USP47: variants seen among roughly 807,000 people sequenced by gnomAD.
USP47 encodes the protein ubiquitin specific peptidase 47.
USP47 carries 35 observed loss-of-function variants against 165.1 expected under a neutral mutation model. The observed-to-expected ratio is 0.21, with a 90% CI of 0.16 to 0.28. The LOEUF (loss-of-function observed/expected upper bound fraction) is 0.28. Ranked by LOEUF, USP47 falls within the 10% of genes least tolerant of loss-of-function variation. USP47 has a pLI of 1.00. For missense variants in USP47, 1,277 were observed against 1,607.4 expected (o/e 0.79, Z 3.52); for synonymous variants, 531 against 544.5 (o/e 0.98, Z 0.35).
At chr11:11,897,396 A>G (rs562366679) in intron 4 of USP47, among the ~76,000 whole-genome samples, 6 of 152,120 alleles carry the variant, frequency 3.9e-5, no homozygotes, top group African/African-American at 1.4e-4. Flanking sequence ...GTATCCTGAC[A>G]TTTTCTACAA....
At chr11:11,850,837 T>G (rs1177454769) in intron 1 of USP47, among the ~76,000 whole-genome samples, 1 of 152,188 alleles carries the variant, frequency 6.6e-6, no homozygotes, top group South Asian at 2.1e-4. Flanking sequence ...GCAGATTTGG[T>G]GTCTGGTAAA....
At chr11:11,916,493 G>T (rs928648977) in intron 8 of USP47, among the ~76,000 whole-genome samples, 2 of 152,078 alleles carry the variant, frequency 1.3e-5, no homozygotes, top group African/African-American at 2.4e-5. Context: ...TGTAAGAAAT[G>T]AAGTGGGAAT....
chr11:11,947,816 T>C (rs1590452374), intron 20 of USP47, 129 bp from the exon 21 acceptor site: 1 of 893,064 alleles, frequency 1.1e-6, no homozygotes, highest in Non-Finnish European at 1.6e-6. Context: ...GTATATTAGC[T>C]AAAGTCTAAC....
intron 12 of USP47, 48 bp from the exon 13 acceptor site, chr11:11,929,996 T>G (rs776736966): frequency 2.8e-6 from 4 of 1,414,532 alleles, no homozygotes; most frequent in Non-Finnish European, 2.0e-6. Flanking sequence ...GACGTTAATG[T>G]GATAGTGTTA....
At chr11:11,930,666 C>T (rs1854601567) in intron 13 of USP47, 30 bp from the exon 14 acceptor site, 1 of 1,510,196 alleles carries the variant, frequency 6.6e-7, no homozygotes, top group African/African-American at 1.4e-5. Flanking sequence ...TACTTTTTGT[C>T]CTTATTAATC....
intron 1 of USP47, among the ~76,000 whole-genome samples, chr11:11,859,636 G>A: frequency 6.6e-6 from 1 of 152,070 alleles, no homozygotes; most frequent in East Asian, 1.9e-4. Context: ...ATAATCTTTT[G>A]AAAATTTAAA....
rs1259283810 is a variant in USP47 at position 11,956,707 on chromosome 11, C to T, written c.*532C>T. 1 of 152,750 alleles carries T rather than the reference C, an allele frequency of 6.5e-6. No individual in the cohort carries two copies. Among genetic ancestry groups the T allele is most frequent in the Admixed American group, 6.5e-5 (1 of 15,288 alleles). The allele number at this position is 152,750 out of a possible 1,614,324, so 9.5% of individuals were successfully genotyped here. A position where few individuals can be genotyped will look rare whatever the true frequency, so the allele number is the denominator to read the frequency against. ...AAGAAAAGAAATTCTTGGAACCAGC[C>T]GTAACCCAGTAAGGAATTGTGAAGT... is the stretch of plus-strand genomic sequence containing the variant. On this transcript the variant is annotated 3_prime_UTR_variant, in exon 28 of 28. Coordinates refer to ENST00000527733, the MANE Select transcript of USP47 (RefSeq NM_001282659.2).
intron 8 of USP47, among the ~76,000 whole-genome samples, chr11:11,916,734 G>T (rs1590370941): frequency 6.6e-6 from 1 of 152,056 alleles, no homozygotes; most frequent in African/African-American, 2.4e-5. Flanking sequence ...ATAAAACAGT[G>T]GACCAGAACT....
Position 11,902,619 on chromosome 11 carries a change from G to A in USP47, c.594-96G>A, listed in dbSNP as rs1049379146. The A allele has an allele frequency of 8.6e-6, 8 of 926,136 alleles. 1 individual carries two copies. The Admixed American group carries it at 1.5e-4, about 17-fold the overall frequency. The allele number at this position is 926,136 out of a possible 1,614,324, so 57.4% of individuals were successfully genotyped here. A position where few individuals can be genotyped will look rare whatever the true frequency, so the allele number is the denominator to read the frequency against. On this transcript the variant is annotated intron_variant, in intron 5 of 27. Coordinates refer to ENST00000527733, the MANE Select transcript of USP47 (RefSeq NM_001282659.2). ...CATTCAAACTCTGTATAGCTTCCAG[G>A]ATTAAAATCTTACATTATTATGATT...
chr11:11,946,482 A>G (rs1004342137), intron 20 of USP47, among the ~76,000 whole-genome samples: 21 of 152,208 alleles, frequency 1.4e-4, no homozygotes, highest in African/African-American at 4.8e-4. Flanking sequence ...CTTTTACTAC[A>G]TTTGTCACAA....
chr11:11,847,715 A>G (rs567259921), intron 1 of USP47, among the ~76,000 whole-genome samples: 369 of 152,160 alleles, frequency 2.4e-3, no homozygotes, highest in Non-Finnish European at 4.4e-3. Context: ...ATTTTCTCCA[A>G]TGTGTAGCCT....
In USP47 at chr11:11,940,473, C is replaced by T. The variant is rs775115944; in HGVS notation, c.2238C>T (p.Arg746=). ...PAETMRIVLE[R]CYNDLRLLSV... ...AAACAATGAGAATAGTGCTGGAACG[C>T]TGCTACAATGATTTGCGTCTTCTCA... The change falls in exon 19 of 28, where the codon CGC becomes CGT. Residue 746 remains arginine, a synonymous_variant. Coordinates refer to ENST00000527733, the MANE Select transcript of USP47 (RefSeq NM_001282659.2). 1 of 1,611,990 alleles carries T rather than the reference C, an allele frequency of 6.2e-7. No individual in the cohort carries two copies.
intron 11 of USP47, among the ~76,000 whole-genome samples, chr11:11,929,207 G>A (rs1854476027): frequency 6.6e-6 from 1 of 152,026 alleles, no homozygotes. Flanking sequence ...AAAGGTTATA[G>A]CATAATTAAA....
chr11:11,875,161 T>C (rs1462097285), intron 1 of USP47, among the ~76,000 whole-genome samples: 1 of 152,072 alleles, frequency 6.6e-6, no homozygotes, highest in Non-Finnish European at 1.5e-5. Flanking sequence ...GGGTTAAATT[T>C]AGAGGTAAAG....
At chr11:11,851,493 A>G (rs1848724795) in intron 1 of USP47, among the ~76,000 whole-genome samples, 1 of 152,208 alleles carries the variant, frequency 6.6e-6, no homozygotes, top group Admixed American at 6.5e-5. Context: ...ATGTATTTAC[A>G]CAAGAATTGC....
chr11:11,882,415 C>G (rs1432196194), intron 2 of USP47, among the ~76,000 whole-genome samples: 2 of 152,032 alleles, frequency 1.3e-5, no homozygotes, highest in East Asian at 3.8e-4. Flanking sequence ...TCATATTATG[C>G]TTTTTATTCC....
chr11:11,886,594 TAA>T (rs1851177950), intron 3 of USP47, among the ~76,000 whole-genome samples: 1 of 151,912 alleles, frequency 6.6e-6, no homozygotes, highest in Admixed American at 6.6e-5. Flanking sequence ...TGGGATTATG[TAA>T]AGAGACCAAA....
At position 11,888,098 on chromosome 11, in the gene USP47, A is replaced by G. The variant is rs1851279552; in HGVS notation, c.357+3518A>G. 1.3e-5 allele frequency among the ~76,000 whole-genome samples: 2 copies of G among 152,196 alleles called. 1 individual carries two copies. Among genetic ancestry groups the G allele is most frequent in the South Asian group, 4.1e-4 (2 of 4,838 alleles). On this transcript the variant is annotated intron_variant, in intron 3 of 27. Coordinates refer to ENST00000527733, the MANE Select transcript of USP47 (RefSeq NM_001282659.2). ...AAGAAATTTATAGCACCAAATGCCC[A>G]TATCAAAAAGCTAGGAAGATGTCAA...
chr11:11,888,183 A>G (rs1271738861), intron 3 of USP47, among the ~76,000 whole-genome samples: 3 of 152,172 alleles, frequency 2.0e-5, no homozygotes, highest in South Asian at 2.1e-4. Flanking sequence ...CAAACCCCAA[A>G]GCTAGCAGAA....
Sources: allele counts gnomAD v4.1 joint callset (sites outside exome capture counted in the v4.1 genomes callset), GRCh38; gene constraint gnomAD v4.1.1; transcripts MANE v1.5; gene names NCBI Gene and HGNC (gene_info 2026-07-23, HGNC 2026-07-21).